LSP1: variants seen among roughly 807,000 people sequenced by gnomAD.
LSP1 encodes lymphocyte-specific protein 1.
Under a neutral mutation model 49.3 loss-of-function variants are expected in LSP1, and 32 were observed. The ratio of observed to expected loss-of-function variants is 0.65; its 90% CI spans 0.49 to 0.87. LSP1 has a LOEUF of 0.87. LSP1 is among the 40% of genes least tolerant of loss of function. LSP1 has a pLI of 0.00. For synonymous variants in LSP1, 179 were observed against 178.8 expected (o/e 1.00, Z -0.01); for missense variants, 428 against 442.6 (o/e 0.97, Z 0.30).
chr11:1,882,417 C>T (rs182591866), intron 3 of LSP1, among the ~76,000 whole-genome samples: 76 of 152,298 alleles, frequency 5.0e-4, no homozygotes, highest in African/African-American at 1.8e-3. Context: ...TGTTGCTGAG[C>T]GACGCTCCCT....
intron 1 of LSP1, among the ~76,000 whole-genome samples, chr11:1,875,385 G>C (rs1848266052): frequency 6.6e-6 from 1 of 152,198 alleles, no homozygotes; most frequent in Admixed American, 6.5e-5. Flanking sequence ...CGCGTGCAGA[G>C]AGGGTCCCAG....
intron 1 of LSP1, among the ~76,000 whole-genome samples, chr11:1,861,699 A>G (rs142167287): frequency 4.5e-3 from 87 of 19,142 alleles, no homozygotes; most frequent in African/African-American, 9.1e-3. Flanking sequence ...GGGTGGGTGG[A>G]TGGATGGATG....
At chr11:1,885,620 A>G (rs1482912606) in intron 7 of LSP1, among the ~76,000 whole-genome samples, 1 of 151,604 alleles carries the variant, frequency 6.6e-6, no homozygotes, top group East Asian at 1.9e-4. Flanking sequence ...TATTCAACCA[A>G]TACTTCTTTA....
In LSP1 at chr11:1,881,566, G is replaced by T; in HGVS notation, c.326G>T (p.Cys109Phe). The change falls in exon 3 of 11, where the codon TGC becomes TTC. Residue 109 changes from cysteine (C) to phenylalanine (F), a missense_variant. Transcript: ENST00000311604. The stretch of plus-strand genomic sequence containing the variant: ...TTGGACAGCGGAGAGCCCCCCCAGT[G>T]CAGGAGTCCTGAGGGGGAGCAAGAG... ...GALDSGEPPQCRSPEGEQEDR... is the reference protein window; with the variant it reads ...GALDSGEPPQFRSPEGEQEDR... 1.3e-6 allele frequency: 2 copies of T among 1,532,270 alleles called. No individual in the cohort carries two copies. 94.9% of individuals were successfully genotyped at this position (1,532,270 alleles called of 1,614,324 possible).
chr11:1,856,538 C>T (rs545944160), intron 1 of LSP1, among the ~76,000 whole-genome samples: 7 of 152,366 alleles, frequency 4.6e-5, no homozygotes, highest in East Asian at 3.9e-4. Context: ...CCTGGCCCAT[C>T]GGAGCCTCCC....
At chr11:1,856,472 C>A (rs916622473) in intron 1 of LSP1, among the ~76,000 whole-genome samples, 5 of 152,228 alleles carry the variant, frequency 3.3e-5, no homozygotes, top group African/African-American at 9.6e-5. Flanking sequence ...GGTGGGAGGC[C>A]GCTGCCCAGG....
chr11:1,878,632 G>A (rs1294414831), intron 1 of LSP1, among the ~76,000 whole-genome samples: 3 of 152,122 alleles, frequency 2.0e-5, no homozygotes, highest in South Asian at 2.1e-4. Context: ...TAGATCACGC[G>A]CTGGCAGGGC....
intron 1 of LSP1, chr11:1,866,491 C>T (rs2133069694): frequency 6.7e-7 from 1 of 1,493,572 alleles, no homozygotes; most frequent in African/African-American, 1.4e-5. Flanking sequence ...CCGATCTGGT[C>T]CCCACCTGGC....
intron 1 of LSP1, among the ~76,000 whole-genome samples, chr11:1,856,126 T>G (rs114603683): frequency 6.7e-6 from 1 of 149,202 alleles, no homozygotes; most frequent in South Asian, 2.2e-4. Flanking sequence ...CAAGTCTGCC[T>G]GCCGCCACCC....
At chr11:1,882,170 C>T (rs1163150502) in intron 3 of LSP1, among the ~76,000 whole-genome samples, 4 of 152,192 alleles carry the variant, frequency 2.6e-5, no homozygotes, top group African/African-American at 4.8e-5. Flanking sequence ...GGGCTGCTCC[C>T]GAGCCCCACT....
intron 1 of LSP1, among the ~76,000 whole-genome samples, chr11:1,864,803 G>A (rs1429143464): frequency 2.6e-5 from 4 of 152,000 alleles, no homozygotes; most frequent in Non-Finnish European, 5.9e-5. Flanking sequence ...GGAGCCGAAG[G>A]GAGGGACCAG....
At chr11:1,872,969 G>A (rs1296563002) in intron 1 of LSP1, among the ~76,000 whole-genome samples, 1 of 152,044 alleles carries the variant, frequency 6.6e-6, no homozygotes, top group Non-Finnish European at 1.5e-5. Context: ...CAGTCCCAGC[G>A]GTGGGGGGTG....
At chr11:1,865,890 C>A (rs1243207773) in intron 1 of LSP1, among the ~76,000 whole-genome samples, 1 of 151,992 alleles carries the variant, frequency 6.6e-6, no homozygotes, top group Non-Finnish European at 1.5e-5. Context: ...CAGCCACCAA[C>A]CCTGAGTGGG....
intron 1 of LSP1, among the ~76,000 whole-genome samples, chr11:1,879,313 C>G (rs550034732): frequency 3.0e-4 from 46 of 152,304 alleles, no homozygotes; most frequent in African/African-American, 1.1e-3. Flanking sequence ...CCATTGCACT[C>G]CAGCCTGGGC....
At chr11:1,881,809 G>A (rs560537721) in intron 3 of LSP1, among the ~76,000 whole-genome samples, 1 of 152,148 alleles carries the variant, frequency 6.6e-6, no homozygotes, top group African/African-American at 2.4e-5. Flanking sequence ...TGCCCCCATG[G>A]CCAGGAAAGG....
Position 1,865,569 on chromosome 11 carries a change from C to G in LSP1, c.53+12372C>G, listed in dbSNP as rs146953757. Among the ~76,000 whole-genome samples, 4 of 124,284 alleles carry G rather than the reference C, an allele frequency of 3.2e-5. No individual in the cohort carries two copies. The East Asian group carries it at 9.0e-4, about 28-fold the overall frequency. 81.5% of individuals were successfully genotyped at this position (124,284 alleles called of 152,430 possible). ...CCGCACCGCCGGCTGCACTGTCACC[C>G]GCTCACACCGTCCCACCTGCACCGC... On this transcript the variant is annotated intron_variant, in intron 1 of 10. Coordinates refer to ENST00000311604, the MANE Select transcript of LSP1 (RefSeq NM_002339.3).
intron 1 of LSP1, among the ~76,000 whole-genome samples, chr11:1,854,133 C>T (rs74686312): frequency 0.038 from 5,775 of 151,822 alleles, 115 homozygotes; most frequent in Non-Finnish European, 0.045. Context: ...AGAGGGGCGA[C>T]GTGCTAATGG....
At position 1,881,653 on chromosome 11, in the gene LSP1, G is replaced by A. The variant is rs867556551; in HGVS notation, c.356+57G>A. Reference sequence around the variant, plus strand: ...CAGAGCAGGGCTCCCTCTGGACCTCGAGGGCGGGCGCTGGGCAGAGCAGGG... The same window carrying A: ...CAGAGCAGGGCTCCCTCTGGACCTCAAGGGCGGGCGCTGGGCAGAGCAGGG... On this transcript the variant is annotated intron_variant, in intron 3 of 10. Transcript: ENST00000311604. 12 of 1,441,562 alleles carry A rather than the reference G, an allele frequency of 8.3e-6. No individual in the cohort carries two copies. In the South Asian group the frequency reaches 1.3e-4, roughly 16 times the overall value. The allele number at this position is 1,441,562 out of a possible 1,614,324, so 89.3% of individuals were successfully genotyped here. A position where few individuals can be genotyped will look rare whatever the true frequency, so the allele number is the denominator to read the frequency against.
chr11:1,884,038 C>T lies in LSP1; in HGVS notation c.591+14C>T, dbSNP rs1848655934. 6.2e-7 allele frequency: 1 copy of T among 1,601,812 alleles called. No homozygotes were observed. The highest frequency in any genetic ancestry group is 8.5e-7 in the Non-Finnish European group (1 of 1,174,458). On this transcript the variant is annotated intron_variant, in intron 5 of 10. Coordinates refer to ENST00000311604, the MANE Select transcript of LSP1 (RefSeq NM_002339.3). The surrounding 1 kb of genome is among the most constrained non-coding windows in gnomAD (Gnocchi z 4.1). The stretch of plus-strand genomic sequence containing the variant: ...CCTACCACCAAAGTAAGTTAAGCTG[C>T]AAAGCCTGCCATCTTCTCCCCTCTC...
Sources: allele counts gnomAD v4.1 joint callset (sites outside exome capture counted in the v4.1 genomes callset), GRCh38; gene constraint gnomAD v4.1.1; non-coding constraint Gnocchi (gnomAD v3.1); transcripts MANE v1.5; gene names NCBI Gene and HGNC (gene_info 2026-07-23, HGNC 2026-07-21).